The following MID1 variants were observed in gnomAD, a reference collection of about 807,000 sequenced individuals.
The protein encoded by MID1 is midline 1.
A neutral mutation model predicts 40.4 loss-of-function variants in MID1; 7 were observed. The observed-to-expected ratio is 0.17, with a 90% CI of 0.10 to 0.33. The LOEUF is 0.33. MID1 is among the 10% of genes least tolerant of loss of function. The probability of loss-of-function intolerance (pLI) is 1.00; values close to 1 mark genes in which losing one functional copy is unlikely to be tolerated. For missense variants in MID1, 367 were observed against 558.5 expected, an observed-to-expected ratio of 0.66 and a Z score of 3.46; for synonymous variants, 229 against 221.2, an observed-to-expected ratio of 1.04 and a Z score of -0.31.
intron 1 of MID1, among the ~76,000 whole-genome samples, chrX:10,821,867 C>T (rs184989752): frequency 0.034 from 3,790 of 110,848 alleles, 60 homozygotes; most frequent in Non-Finnish European, 0.054. Flanking sequence ...CTTGCCTCTT[C>T]TTGATCCCTT....
intron 1 of MID1, among the ~76,000 whole-genome samples, chrX:10,774,069 A>C (rs2043787114): frequency 8.9e-6 from 1 of 111,786 alleles, no homozygotes; most frequent in African/African-American, 3.3e-5. Flanking sequence ...CAGAAGTAAC[A>C]AGAAAGAAGA....
intron 1 of MID1, among the ~76,000 whole-genome samples, chrX:10,650,725 G>A (rs745791857): frequency 9.0e-6 from 1 of 111,724 alleles, no homozygotes; most frequent in Admixed American, 9.5e-5. Context: ...TTGGGATATT[G>A]GGCATTCAGT....
chrX:10,595,760 A>T (rs964671147), intron 1 of MID1, among the ~76,000 whole-genome samples: 9 of 111,161 alleles, frequency 8.1e-5, no homozygotes, highest in Non-Finnish European at 1.3e-4. Context: ...CAGTAGGGTG[A>T]CTACAGCAAA....
chrX:10,660,907 C>T (rs1174829726), intron 1 of MID1, among the ~76,000 whole-genome samples: 1 of 111,880 alleles, frequency 8.9e-6, no homozygotes, highest in Non-Finnish European at 1.9e-5. Flanking sequence ...TTGAAAGCGA[C>T]ACAGAGTTTT....
intron 1 of MID1, among the ~76,000 whole-genome samples, chrX:10,803,146 C>T (rs1053434509): frequency 9.1e-6 from 1 of 109,735 alleles, no homozygotes; most frequent in Non-Finnish European, 1.9e-5. Context: ...ACCCATGCAA[C>T]GAACCTGCAC....
chrX:10,548,328 CT>C (rs753187844), intron 2 of MID1, among the ~76,000 whole-genome samples: 1 of 111,376 alleles, frequency 9.0e-6, no homozygotes, highest in African/African-American at 3.3e-5. Flanking sequence ...GGTGCCCTCT[CT>C]ATAAGGCCCC....
chrX:10,613,604 G>A (rs1207794796), intron 1 of MID1, among the ~76,000 whole-genome samples: 3 of 102,099 alleles, frequency 2.9e-5, no homozygotes, highest in East Asian at 3.1e-4. Flanking sequence ...GACCCATTTC[G>A]TAATCATTTC....
intron 1 of MID1, among the ~76,000 whole-genome samples, chrX:10,587,283 C>T (rs750378092): frequency 5.3e-5 from 6 of 112,719 alleles, no homozygotes; most frequent in Non-Finnish European, 1.1e-4. Context: ...ACCACACATC[C>T]GCGTGAGGAT....
chrX:10,654,618 C>T (rs940613806), intron 1 of MID1, among the ~76,000 whole-genome samples: 2 of 112,099 alleles, frequency 1.8e-5, no homozygotes, highest in Admixed American at 1.9e-4. Flanking sequence ...CGATAATGCT[C>T]ACTCACTGGC....
intron 2 of MID1, among the ~76,000 whole-genome samples, chrX:10,548,724 A>G (rs982007025): frequency 4.5e-5 from 5 of 111,181 alleles, no homozygotes; most frequent in East Asian, 2.8e-4. Context: ...CCAAAGTTTC[A>G]TAAGTACCAA....
chrX:10,722,324 G>A (rs959672903), intron 1 of MID1, among the ~76,000 whole-genome samples: 14 of 111,937 alleles, frequency 1.3e-4, no homozygotes, highest in Middle Eastern at 4.2e-3. Context: ...TGCATCTAAG[G>A]ATATGAGATG....
chrX:10,549,927 T>C (rs1322846976), intron 2 of MID1, among the ~76,000 whole-genome samples: 2 of 112,573 alleles, frequency 1.8e-5, no homozygotes, highest in African/African-American at 6.4e-5. Context: ...ACTGAATAAA[T>C]TCAGCCTCAG....
chrX:10,736,924 C>T (rs997218647), intron 1 of MID1, among the ~76,000 whole-genome samples: 2 of 111,625 alleles, frequency 1.8e-5, no homozygotes, highest in South Asian at 7.4e-4. Context: ...CAACCATAGG[C>T]TTTTGAGGAT....
intron 1 of MID1, among the ~76,000 whole-genome samples, chrX:10,821,946 G>A (rs933207694): frequency 9.0e-6 from 1 of 111,205 alleles, no homozygotes; most frequent in Non-Finnish European, 1.9e-5. Flanking sequence ...GGAGAAAGCA[G>A]TAGGTTTTTG....
At chrX:10,611,289 G>A (rs951464460) in intron 1 of MID1, among the ~76,000 whole-genome samples, 5 of 112,042 alleles carry the variant, frequency 4.5e-5, no homozygotes, top group African/African-American at 1.6e-4. Flanking sequence ...AGAATTAAAT[G>A]GTTCTTTCCT....
chrX:10,765,534 A>C (rs2043714281), intron 1 of MID1, among the ~76,000 whole-genome samples: 1 of 112,002 alleles, frequency 8.9e-6, no homozygotes, highest in African/African-American at 3.2e-5. Flanking sequence ...CACAGTTTTT[A>C]AGGCTCTTTT....
chrX:10,698,448 A>G (rs1361116488), intron 1 of MID1, among the ~76,000 whole-genome samples: 1 of 111,936 alleles, frequency 8.9e-6, no homozygotes, highest in African/African-American at 3.3e-5. Flanking sequence ...TCTTATGCAC[A>G]TGGTTCTGGG....
intron 8 of MID1, among the ~76,000 whole-genome samples, chrX:10,458,117 A>G (rs966798977): frequency 8.9e-6 from 1 of 112,820 alleles, no homozygotes; most frequent in Non-Finnish European, 1.9e-5. Context: ...CTTGCACAGC[A>G]TCCCAAACAC....
chrX:10,686,329 C>T (rs1035667798), intron 1 of MID1, among the ~76,000 whole-genome samples: 6 of 110,877 alleles, frequency 5.4e-5, no homozygotes, highest in African/African-American at 2.0e-4. Context: ...CTCTTATATG[C>T]CCAAGAGACT....
Sources: gnomAD v4.1 joint callset for allele counts (sites outside exome capture counted in the v4.1 genomes callset) on GRCh38, gnomAD v4.1.1 for gene constraint, MANE v1.5 for transcripts, NCBI Gene and HGNC (gene_info 2026-07-23, HGNC 2026-07-21) for gene names.